Variants in LRRC8A observed in about 807,000 individuals in gnomAD.
The protein encoded by LRRC8A is volume-regulated anion channel subunit LRRC8A.
LRRC8A carries 24 observed loss-of-function variants against 52.5 expected under a neutral mutation model. That is an observed-to-expected ratio of 0.46 (90% confidence interval 0.33 to 0.64). The LOEUF (loss-of-function observed/expected upper bound fraction) is 0.64, where lower values mean the gene tolerates loss of function less well. LRRC8A is among the 30% of genes least tolerant of loss of function. The pLI, the probability that LRRC8A is intolerant of heterozygous loss-of-function variation, is 0.02. For missense variants in LRRC8A, 677 were observed against 1,094.7 expected, an observed-to-expected ratio of 0.62 and a Z score of 5.38; for synonymous variants, 492 against 494.2, an observed-to-expected ratio of 1.00 and a Z score of 0.06.
Position 128,916,161 on chromosome 9 carries a change from C to T in LRRC8A, c.2223C>T (p.Asn741=), listed in dbSNP as rs139178076. 281 of 1,613,364 alleles carry T rather than the reference C, an allele frequency of 1.7e-4. 1 individual carries two copies. In the Middle Eastern group the frequency reaches 1.8e-3, roughly 10 times the overall value. Residue 741 remains asparagine (N), a synonymous_variant, in exon 4 of 4, where the codon AAC becomes AAT. Transcript: ENST00000372600. This position sits in a 1 kb window ranked among gnomAD's most constrained non-coding sequence, Gnocchi z 6.1. ...RKLRALHLGN[N]VLQSLPSRVG... is the part of the protein sequence containing the mutation. ...TGCGGGCCCTGCACCTGGGCAACAA[C>T]GTGCTGCAGTCACTGCCCTCCAGGG...
chr9:128,910,258 G>A (rs914754093), intron 3 of LRRC8A, among the ~76,000 whole-genome samples: 1 of 152,244 alleles, frequency 6.6e-6, no homozygotes, highest in Non-Finnish European at 1.5e-5. Flanking sequence ...GACATGTGGT[G>A]GAGGAAGCCT....
intron 3 of LRRC8A, among the ~76,000 whole-genome samples, chr9:128,910,691 A>C (rs1002969591): frequency 6.6e-6 from 1 of 152,200 alleles, no homozygotes; most frequent in African/African-American, 2.4e-5. Context: ...CCCAGTCTCA[A>C]AGTAAAATGA....
rs968920879 is a variant in LRRC8A at position 128,899,430 on chromosome 9, G to A, written c.-8-7727G>A. On this transcript the variant is annotated intron_variant, in intron 2 of 3. Coordinates refer to ENST00000372600, the MANE Select transcript of LRRC8A (RefSeq NM_019594.4). The surrounding 1 kb of genome is among the most constrained non-coding windows in gnomAD (Gnocchi z 4.0). The stretch of plus-strand genomic sequence containing the variant: ...CATCTGAATGGCCCACCCTGGAGGT[G>A]CTGCCTGTCTGGGCCCACTGTAAAT... 5.9e-5 allele frequency among the ~76,000 whole-genome samples: 9 copies of A among 152,054 alleles called. No individual in the cohort carries two copies. The highest frequency in any genetic ancestry group is 2.2e-4 in the African/African-American group (9 of 41,376).
chr9:128,904,997 CAA>C (rs770042979), intron 2 of LRRC8A, among the ~76,000 whole-genome samples: 6 of 29,864 alleles, frequency 2.0e-4, no homozygotes, highest in African/African-American at 4.7e-4. Flanking sequence ...GACTCCGTCT[CAA>C]AAAAAAAAAA....
In LRRC8A at chr9:128,899,711, G is replaced by A. The variant is rs1009864265; in HGVS notation, c.-8-7446G>A. ...CCTAGAGAAGTCAGATTGACAGAGA[G>A]AGGAAGTGGGATGGAGTGCTTGGAG... On this transcript the variant is annotated intron_variant, in intron 2 of 3. Coordinates refer to ENST00000372600, the MANE Select transcript of LRRC8A (RefSeq NM_019594.4). The surrounding 1 kb of genome is among the most constrained non-coding windows in gnomAD (Gnocchi z 4.0). Among the ~76,000 whole-genome samples the A allele has an allele frequency of 1.3e-5, 2 of 152,174 alleles. No individual in the cohort carries two copies. The highest frequency in any genetic ancestry group is 2.9e-5 in the Non-Finnish European group (2 of 68,032).
Position 128,907,974 on chromosome 9 carries a change from C to T in LRRC8A, c.810C>T (p.Ile270=), listed in dbSNP as rs1840323057. 4.3e-6 allele frequency: 7 copies of T among 1,614,142 alleles called. No homozygotes were observed. The East Asian group carries it at 1.6e-4, about 36-fold the overall frequency. ...GCCTCTACATGCGGCAGACCATCAT[C>T]AAGGTGATCAAGTTCATCCTCATCA... ...VYRLYMRQTI[I]KVIKFILIIC... is the part of the protein sequence containing the mutation. Residue 270 remains isoleucine, a synonymous_variant, in exon 3 of 4, where the codon ATC becomes ATT. Coordinates refer to ENST00000372600, the MANE Select transcript of LRRC8A (RefSeq NM_019594.4). The surrounding 1 kb of genome is among the most constrained non-coding windows in gnomAD (Gnocchi z 9.3).
chr9:128,891,857 G>A (rs913934922), intron 2 of LRRC8A, among the ~76,000 whole-genome samples: 5 of 152,086 alleles, frequency 3.3e-5, no homozygotes, highest in African/African-American at 7.2e-5. Context: ...ATGGAAAGTC[G>A]GGCTTGGGGT....
At chr9:128,883,043 C>T (rs1588187471) in intron 1 of LRRC8A, 1 of 346,622 alleles carries the variant, frequency 2.9e-6, no homozygotes, top group Non-Finnish European at 5.2e-6. Context: ...CCGAGGTCTG[C>T]CGGTTCTCAG....
chr9:128,887,383 C>G (rs545166695), intron 2 of LRRC8A, among the ~76,000 whole-genome samples: 1 of 151,980 alleles, frequency 6.6e-6, no homozygotes, highest in Non-Finnish European at 1.5e-5. Flanking sequence ...AGGCTGGTCT[C>G]GAACTCCTGG....
intron 3 of LRRC8A, 75 bp downstream of exon 3, chr9:128,909,396 A>C (rs1302461366): frequency 7.0e-7 from 1 of 1,420,886 alleles, no homozygotes; most frequent in Non-Finnish European, 9.7e-7. Flanking sequence ...GGCACTCGGC[A>C]GGCTCAGTGT....
In LRRC8A at chr9:128,907,686, G is replaced by A. The variant is rs750043566; in HGVS notation, c.522G>A (p.Ser174=). 6.9e-5 allele frequency: 111 copies of A among 1,613,762 alleles called. No homozygotes were observed. The highest frequency in any genetic ancestry group is 3.2e-4 in the South Asian group (29 of 91,064). ...CGCCCTGGACCACGAGGGCCCTGTC[G>A]GAGACAGTGGTGGAGGAGAGCGACC... ...FDSPWTTRAL[S]ETVVEESDPK... is the part of the protein sequence containing the mutation. The change falls in exon 3 of 4, where the codon TCG becomes TCA. Residue 174 remains serine, a synonymous_variant. Transcript: ENST00000372600. The surrounding 1 kb of genome is among the most constrained non-coding windows in gnomAD (Gnocchi z 9.3).
At chr9:128,894,279 C>A (rs148803663) in intron 2 of LRRC8A, among the ~76,000 whole-genome samples, 1 of 150,750 alleles carries the variant, frequency 6.6e-6, no homozygotes, top group African/African-American at 2.4e-5. Context: ...GTCAGTAGAT[C>A]GAGATCATCC....
rs543655869 is a variant in LRRC8A, at chr9:128,897,454, C to T, written c.-8-9703C>T. ...TCTCAAACTCCTGAGGTGATCAGCC[C>T]ACCTCAGCCTCCTCAAGTGCTGGGA... On this transcript the variant is annotated intron_variant, in intron 2 of 3. Transcript: ENST00000372600. Among the ~76,000 whole-genome samples, 45 of 152,088 alleles carry T rather than the reference C, an allele frequency of 3.0e-4. 1 individual carries two copies. In the South Asian group the frequency reaches 6.6e-3, roughly 22 times the overall value.
chr9:128,903,827 A>C (rs1332348705), intron 2 of LRRC8A, among the ~76,000 whole-genome samples: 1 of 152,138 alleles, frequency 6.6e-6, no homozygotes, highest in Non-Finnish European at 1.5e-5. Context: ...CAGGAATTCA[A>C]GACCAGCCCG....
At chr9:128,894,297 C>T (rs527788250) in intron 2 of LRRC8A, among the ~76,000 whole-genome samples, 2 of 151,002 alleles carry the variant, frequency 1.3e-5, no homozygotes, top group African/African-American at 4.9e-5. Flanking sequence ...TCCTGGTTAA[C>T]ACGATGAAAC....
rs1239478983 is a variant in LRRC8A at position 128,907,524 on chromosome 9, G to C, written c.360G>C (p.Trp120Cys). ...DAVCYENRLH[W>C]FAKYFPYLVL... ...TGTGCTATGAGAACCGACTGCACTG[G>C]TTTGCCAAGTACTTCCCCTACCTGG... Residue 120 changes from tryptophan (W) to cysteine (C), a missense_variant, in exon 3 of 4, where the codon TGG (tryptophan) becomes TGC (cysteine). Coordinates refer to ENST00000372600, the MANE Select transcript of LRRC8A (RefSeq NM_019594.4). The surrounding 1 kb of genome is among the most constrained non-coding windows in gnomAD (Gnocchi z 9.3). The C allele has an allele frequency of 3.7e-6, 6 of 1,614,144 alleles. No individual in the cohort carries two copies.
intron 3 of LRRC8A, among the ~76,000 whole-genome samples, chr9:128,915,265 A>G (rs114018082): frequency 1.5e-3 from 234 of 152,264 alleles, no homozygotes; most frequent in African/African-American, 5.3e-3. Context: ...GTTCGTTGCT[A>G]TTCACAGGTA....
At chr9:128,914,893 A>T (rs1840739685) in intron 3 of LRRC8A, among the ~76,000 whole-genome samples, 1 of 152,198 alleles carries the variant, frequency 6.6e-6, no homozygotes, top group African/African-American at 2.4e-5. Flanking sequence ...GCACGAACCC[A>T]CTGCAGCCCC....
rs527954548 is a variant in LRRC8A at position 128,907,673 on chromosome 9, C to T, written c.509C>T (p.Thr170Met). 4 of 1,614,006 alleles carry T rather than the reference C, an allele frequency of 2.5e-6. No homozygotes were observed. The highest frequency in any genetic ancestry group is 1.1e-5 in the South Asian group (1 of 91,076). The change falls in exon 3 of 4, where the codon ACG becomes ATG. Residue 170 changes from threonine (T) to methionine (M), a missense_variant. Transcript: ENST00000372600. This position sits in a 1 kb window ranked among gnomAD's most constrained non-coding sequence, Gnocchi z 9.3. ...LLKCFDSPWTTRALSETVVEE... is the reference protein window; with the variant it reads ...LLKCFDSPWTMRALSETVVEE... ...AAGTGCTTCGACTCGCCCTGGACCA[C>T]GAGGGCCCTGTCGGAGACAGTGGTG... is the stretch of plus-strand genomic sequence containing the variant.
Sources: allele counts gnomAD v4.1 joint callset (sites outside exome capture counted in the v4.1 genomes callset), GRCh38; gene constraint gnomAD v4.1.1; non-coding constraint Gnocchi (gnomAD v3.1); transcripts MANE v1.5; gene names NCBI Gene and HGNC (gene_info 2026-07-23, HGNC 2026-07-21).